JPH2: variants seen among roughly 807,000 people sequenced by gnomAD.
JPH2 encodes the protein junctophilin-2.
In JPH2, 38 loss-of-function variants were observed where a neutral mutation model predicts 55.9. The observed-to-expected ratio is 0.68, with a 90% CI of 0.52 to 0.89. The LOEUF is 0.89. JPH2 is among the 40% of genes least tolerant of loss of function. The pLI is 0.00. For missense variants in JPH2, 964 were observed against 1,037.6 expected (o/e 0.93, Z 0.97); for synonymous variants, 480 against 472.4 (o/e 1.02, Z -0.21).
In JPH2 at chr20:44,185,668, T is replaced by TGG. The variant is rs566802554; in HGVS notation, c.379+658_379+659insCC. Among the ~76,000 whole-genome samples the TGG allele has an allele frequency of 2.7e-3, 376 of 139,246 alleles. 11 individuals are homozygous for TGG. The East Asian group carries it at 0.049, about 18-fold the overall frequency. The allele number at this position is 139,246 out of a possible 152,430, so 91.4% of individuals were successfully genotyped here. A position where few individuals can be genotyped will look rare whatever the true frequency, so the allele number is the denominator to read the frequency against. ...AAAAAAAGAATCCATGGATGGATCA[T>TGG]AGATGGATGGATGGATGGATGGATG... On this transcript the variant is annotated intron_variant, in intron 1 of 5. Coordinates refer to ENST00000372980, the MANE Select transcript of JPH2 (RefSeq NM_020433.5).
chr20:44,151,635 G>T (rs1249675940), intron 2 of JPH2, among the ~76,000 whole-genome samples: 1 of 152,178 alleles, frequency 6.6e-6, no homozygotes, highest in Admixed American at 6.5e-5. Context: ...AGACCGGGGA[G>T]ACCTGGTTCC....
At chr20:44,136,424 C>G (rs1209300315) in intron 2 of JPH2, among the ~76,000 whole-genome samples, 17 of 147,404 alleles carry the variant, frequency 1.2e-4, no homozygotes, top group African/African-American at 4.1e-4. Context: ...GATGCTGAAT[C>G]CCCTGGGACT....
intron 3 of JPH2, among the ~76,000 whole-genome samples, chr20:44,117,562 G>A (rs62205902): frequency 2.3e-3 from 353 of 152,298 alleles, no homozygotes; most frequent in Non-Finnish European, 3.7e-3. Flanking sequence ...TATCCACATC[G>A]CCTGATCCTT....
Position 44,160,331 on chromosome 20 carries a change from G to T in JPH2, c.456C>A (p.Ala152=). The T allele has an allele frequency of 6.3e-7, 1 of 1,575,022 alleles. No homozygotes were observed. The highest frequency in any genetic ancestry group is 8.6e-7 in the Non-Finnish European group (1 of 1,161,052). ...TGCGCAGCGGCGAGCGCACCACCAC[G>T]GCCATCCCGTAGGGCACGCTCTGGC... The part of the protein sequence containing the change: ...GVRQSVPYGM[A]VVVRSPLRTS... The change falls in exon 2 of 6, where the codon GCC becomes GCA. Residue 152 remains alanine, a synonymous_variant. Coordinates refer to ENST00000372980, the MANE Select transcript of JPH2 (RefSeq NM_020433.5). The surrounding 1 kb of genome is among the most constrained non-coding windows in gnomAD (Gnocchi z 4.9).
At chr20:44,119,859 G>C (rs779072761) in intron 2 of JPH2, among the ~76,000 whole-genome samples, 1 of 129,608 alleles carries the variant, frequency 7.7e-6, no homozygotes, top group Non-Finnish European at 1.6e-5. Flanking sequence ...GGGCAACAGG[G>C]TGAGACTCCA....
rs1440740780 is a variant in JPH2 at position 44,160,306 on chromosome 20, T to C, written c.481A>G (p.Thr161Ala). 2 of 1,552,624 alleles carry C rather than the reference T, an allele frequency of 1.3e-6. No homozygotes were observed. The highest frequency in any genetic ancestry group is 1.2e-5 in the South Asian group (1 of 84,610). ...TCGCTGCGCAGGGACGACAGCGACG[T>C]GCGCAGCGGCGAGCGCACCACCACG... ...MAVVVRSPLR[T>A]SLSSLRSEHS... The change falls in exon 2 of 6, where the codon ACG (threonine) becomes GCG (alanine). Residue 161 changes from threonine to alanine, a missense_variant. Thr to Ala is a moderately conservative substitution (Grantham distance 58, BLOSUM62 0). Coordinates refer to ENST00000372980, the MANE Select transcript of JPH2 (RefSeq NM_020433.5). This position sits in a 1 kb window ranked among gnomAD's most constrained non-coding sequence, Gnocchi z 4.9.
chr20:44,134,001 A>ATAAATATATATTATTATAAATATATG (rs1447891107), intron 2 of JPH2, among the ~76,000 whole-genome samples: 1 of 19,074 alleles, frequency 5.2e-5, no homozygotes, highest in African/African-American at 2.1e-4. Flanking sequence ...ATAAATATAT[A>ATAAATATATATTATTATAAATATATG]TAAATATATA....
intron 2 of JPH2, among the ~76,000 whole-genome samples, chr20:44,136,706 A>T (rs1385040427): frequency 3.3e-5 from 5 of 152,168 alleles, no homozygotes; most frequent in African/African-American, 1.2e-4. Context: ...GAGTCAGACA[A>T]CCTGGTTTCA....
chr20:44,117,007 G>A (rs1397473611), intron 3 of JPH2, among the ~76,000 whole-genome samples: 7 of 152,208 alleles, frequency 4.6e-5, no homozygotes, highest in African/African-American at 1.4e-4. Context: ...ATGGCTGGGC[G>A]CGGTGGCTCA....
At chr20:44,122,728 G>A (rs1301169775) in intron 2 of JPH2, among the ~76,000 whole-genome samples, 1 of 152,202 alleles carries the variant, frequency 6.6e-6, no homozygotes, top group Non-Finnish European at 1.5e-5. Flanking sequence ...TGATGACGAT[G>A]ATGGGGTGTT....
At chr20:44,177,668 G>A (rs767859777) in intron 1 of JPH2, 5 of 1,239,148 alleles carry the variant, frequency 4.0e-6, no homozygotes, top group South Asian at 1.7e-5. Flanking sequence ...TTCTACATTC[G>A]AAATGGAATC....
intron 1 of JPH2, chr20:44,177,896 G>A: frequency 6.3e-7 from 1 of 1,584,172 alleles, no homozygotes; most frequent in Non-Finnish European, 8.7e-7. Flanking sequence ...TTTCCTATGT[G>A]CCAGGCATGA....
chr20:44,133,060 C>G (rs1249168339), intron 2 of JPH2, among the ~76,000 whole-genome samples: 1 of 32,366 alleles, frequency 3.1e-5, no homozygotes, highest in African/African-American at 1.7e-4. Flanking sequence ...CTCACCCACC[C>G]CCACCGTCCC....
At chr20:44,127,234 C>A (rs942615586) in intron 2 of JPH2, among the ~76,000 whole-genome samples, 1 of 152,150 alleles carries the variant, frequency 6.6e-6, no homozygotes, top group Non-Finnish European at 1.5e-5. Flanking sequence ...GTGCTTTCCA[C>A]TTTTTGGTTA....
intron 2 of JPH2, among the ~76,000 whole-genome samples, chr20:44,152,411 C>T (rs146424605): frequency 5.3e-5 from 8 of 152,210 alleles, no homozygotes; most frequent in African/African-American, 1.9e-4. Context: ...CACGGTAGCT[C>T]ACATCTGTAA....
intron 1 of JPH2, among the ~76,000 whole-genome samples, chr20:44,173,426 A>G (rs1345148457): frequency 6.6e-6 from 1 of 151,970 alleles, no homozygotes; most frequent in African/African-American, 2.4e-5. Flanking sequence ...TTCATCCCCA[A>G]TCCAACCAAT....
intron 2 of JPH2, among the ~76,000 whole-genome samples, chr20:44,146,437 T>C (rs1293971467): frequency 6.6e-6 from 1 of 152,110 alleles, no homozygotes; most frequent in Non-Finnish European, 1.5e-5. Flanking sequence ...GCCTCATGTA[T>C]GTCTCGAGAA....
In JPH2 at chr20:44,159,403, A is replaced by G. The variant is rs2072587393; in HGVS notation, c.1169+215T>C. On this transcript the variant is annotated intron_variant, in intron 2 of 5. Coordinates refer to ENST00000372980, the MANE Select transcript of JPH2 (RefSeq NM_020433.5). This position sits in a 1 kb window ranked among gnomAD's most constrained non-coding sequence, Gnocchi z 5.7. ...GAAAGGTTGGGTGAGTGGTAGGGTT[A>G]AGTCAGTGGAAGGGCTGGGTGTAAC... is the stretch of plus-strand genomic sequence containing the variant. 6.6e-6 allele frequency among the ~76,000 whole-genome samples: 1 copy of G among 151,920 alleles called. No homozygotes were observed. The highest frequency in any genetic ancestry group is 6.6e-5 in the Admixed American group (1 of 15,260).
rs761535957 is a variant in JPH2 at position 44,116,045 on chromosome 20, C to A, written c.1630G>T (p.Ala544Ser). 2 of 1,567,828 alleles carry A rather than the reference C, an allele frequency of 1.3e-6. No homozygotes were observed. Among genetic ancestry groups the A allele is most frequent in the South Asian group, 1.1e-5 (1 of 87,282 alleles). Residue 544 changes from alanine to serine, a missense_variant, in exon 4 of 6, where the codon GCC becomes TCC. By Grantham distance (99) the Ala-to-Ser change is moderately conservative. Coordinates refer to ENST00000372980, the MANE Select transcript of JPH2 (RefSeq NM_020433.5). ...SPARPATERMAIEALQAPPAP... is the reference protein window; with the variant it reads ...SPARPATERMSIEALQAPPAP... ...GGCGGTGCCTGCAGAGCCTCGATGG[C>A]CATGCGCTCGGTGGCTGGACGCGCG...
Sources: allele counts gnomAD v4.1 joint callset (sites outside exome capture counted in the v4.1 genomes callset), GRCh38; gene constraint gnomAD v4.1.1; non-coding constraint Gnocchi (gnomAD v3.1); transcripts MANE v1.5; gene names NCBI Gene and HGNC (gene_info 2026-07-23, HGNC 2026-07-21).